The following PRKN variants were observed in gnomAD, a reference collection of about 807,000 sequenced individuals.
PRKN encodes the protein E3 ubiquitin-protein ligase parkin.
A neutral mutation model predicts 59.5 loss-of-function variants in PRKN; 56 were observed. That is an observed-to-expected ratio of 0.94 (90% CI 0.76 to 1.18). PRKN has a LOEUF of 1.18. PRKN is among the 50% of genes most tolerant of loss of function. The pLI, the probability that PRKN is intolerant of heterozygous loss-of-function variation, is 0.00. For missense variants in PRKN, 657 were observed against 596.4 expected (o/e 1.10, Z -1.06); for synonymous variants, 250 against 222.1 (o/e 1.13, Z -1.12).
At chr6:161,616,571 C>T (rs1268810648) in intron 7 of PRKN, among the ~76,000 whole-genome samples, 1 of 152,084 alleles carries the variant, frequency 6.6e-6, no homozygotes, top group Non-Finnish European at 1.5e-5. Flanking sequence ...AGCCCCCCAC[C>T]ACCCAACGGG....
At chr6:162,671,497 CA>C (rs5881490) in intron 1 of PRKN, among the ~76,000 whole-genome samples, 64,511 of 111,480 alleles carry the variant, frequency 0.58, 15,365 homozygotes, top group Admixed American at 0.67. Context: ...GACTCTGTCT[CA>C]AAAAAAAAAA....
intron 7 of PRKN, among the ~76,000 whole-genome samples, chr6:161,585,474 G>C (rs1781489153): frequency 6.6e-6 from 1 of 152,156 alleles, no homozygotes; most frequent in Non-Finnish European, 1.5e-5. Context: ...TCATACCAAA[G>C]AGAAATTAAA....
rs1784793437 is a variant in PRKN at position 161,357,234 on chromosome 6, T to C, written c.1285+2854A>G. Among the ~76,000 whole-genome samples the C allele has an allele frequency of 6.6e-6, 1 of 152,156 alleles. No individual in the cohort carries two copies. Among genetic ancestry groups the C allele is most frequent in the African/African-American group, 2.4e-5 (1 of 41,440 alleles). On this transcript the variant is annotated intron_variant, in intron 11 of 11. Coordinates refer to ENST00000366898, the MANE Select transcript of PRKN (RefSeq NM_004562.3). The surrounding 1 kb of genome is among the most constrained non-coding windows in gnomAD (Gnocchi z 5.5). ...GCCCAGCTAACTTTTCTATTTTTAG[T>C]GGAGACGGGGTTTCGCCATGTTGGC... is the stretch of plus-strand genomic sequence containing the variant.
intron 3 of PRKN, among the ~76,000 whole-genome samples, chr6:162,208,847 C>G (rs569497099): frequency 2.6e-5 from 4 of 152,222 alleles, no homozygotes; most frequent in Admixed American, 2.0e-4. Context: ...TGGGGTATGT[C>G]CATCTTGGCT....
chr6:161,885,664 CAAAAAAA>C (rs57209835), intron 6 of PRKN, among the ~76,000 whole-genome samples: 6 of 114,212 alleles, frequency 5.3e-5, no homozygotes, highest in Admixed American at 8.9e-5. Context: ...GACTCTGTCT[CAAAAAAA>C]AAAAAAAAAA....
chr6:162,456,955 A>G (rs1790904186), intron 1 of PRKN, among the ~76,000 whole-genome samples: 2 of 152,218 alleles, frequency 1.3e-5, no homozygotes, highest in South Asian at 4.1e-4. Flanking sequence ...GAAATCACCA[A>G]TAAAAAGCAC....
At position 162,637,790 on chromosome 6, in the gene PRKN, C is replaced by T. The variant is rs576374660; in HGVS notation, c.7+89872G>A. 2.4e-4 allele frequency among the ~76,000 whole-genome samples: 36 copies of T among 152,218 alleles called. 1 individual carries two copies. In the South Asian group the frequency reaches 4.4e-3, roughly 18 times the overall value. On this transcript the variant is annotated intron_variant, in intron 1 of 11. Transcript: ENST00000366898. ...TGCTTTTCACCATTTAGTTTCAGAACTTCTTTAAAAGTCACTATTTCAAAT... is the reference window on the plus strand; with the variant it reads ...TGCTTTTCACCATTTAGTTTCAGAATTTCTTTAAAAGTCACTATTTCAAAT...
chr6:162,384,790 T>C (rs996253171), intron 2 of PRKN, among the ~76,000 whole-genome samples: 3 of 151,570 alleles, frequency 2.0e-5, no homozygotes, highest in African/African-American at 7.2e-5. Flanking sequence ...ATATGGCGGG[T>C]ATTACTTTTT....
chr6:161,876,759 A>C (rs948236899), intron 6 of PRKN, among the ~76,000 whole-genome samples: 7 of 152,048 alleles, frequency 4.6e-5, no homozygotes, highest in African/African-American at 1.7e-4. Context: ...CTCCTATCAC[A>C]GTTGGATGTT....
At chr6:162,468,692 A>T (rs1791558504) in intron 1 of PRKN, among the ~76,000 whole-genome samples, 1 of 152,256 alleles carries the variant, frequency 6.6e-6, no homozygotes, top group Non-Finnish European at 1.5e-5. Flanking sequence ...TTTCTTGAGC[A>T]GCTCCGGCCA....
chr6:161,811,469 C>T (rs757533981), intron 6 of PRKN, among the ~76,000 whole-genome samples: 11 of 152,018 alleles, frequency 7.2e-5, no homozygotes, highest in South Asian at 2.1e-4. Context: ...GGTAGCTCAA[C>T]GGGAGAGGGC....
At chr6:162,655,069 C>T (rs1000136558) in intron 1 of PRKN, among the ~76,000 whole-genome samples, 5 of 151,960 alleles carry the variant, frequency 3.3e-5, no homozygotes, top group South Asian at 2.1e-4. Context: ...TTAGAAAATG[C>T]TATTCATCTT....
chr6:162,375,766 A>ACACACAC (rs1562712438), intron 2 of PRKN, among the ~76,000 whole-genome samples: 10 of 100,762 alleles, frequency 9.9e-5, no homozygotes, highest in South Asian at 3.0e-4. Context: ...CACACACACA[A>ACACACAC]ACACACACCC....
At chr6:162,084,990 C>T (rs1304719028) in intron 4 of PRKN, among the ~76,000 whole-genome samples, 1 of 151,466 alleles carries the variant, frequency 6.6e-6, no homozygotes, top group African/African-American at 2.4e-5. Flanking sequence ...GTTAAAGTGA[C>T]ATGTTATTCC....
At position 161,752,995 on chromosome 6, in the gene PRKN, G is replaced by A. The variant is rs111898057; in HGVS notation, c.871+32777C>T. 1.7e-3 allele frequency among the ~76,000 whole-genome samples: 252 copies of A among 152,308 alleles called. 1 individual carries two copies. In the South Asian group the frequency reaches 0.017, roughly 10 times the overall value. On this transcript the variant is annotated intron_variant, in intron 7 of 11. Transcript: ENST00000366898. ...GTGAGGAACAGTGTCAGAGGAACAG[G>A]TGTAAAGGGTGTGTGGGTTATGGTG...
intron 7 of PRKN, among the ~76,000 whole-genome samples, chr6:161,618,566 C>T (rs1782776849): frequency 6.6e-6 from 1 of 152,100 alleles, no homozygotes; most frequent in African/African-American, 2.4e-5. Context: ...ACAAACAATA[C>T]ATCAATATAA....
intron 3 of PRKN, among the ~76,000 whole-genome samples, chr6:162,220,101 C>CTTT (rs1777866077): frequency 6.6e-6 from 1 of 152,074 alleles, no homozygotes; most frequent in East Asian, 1.9e-4. Flanking sequence ...GGATTAAAGA[C>CTTT]AATCCATCTT....
intron 7 of PRKN, among the ~76,000 whole-genome samples, chr6:161,590,428 T>C (rs1223894621): frequency 2.6e-5 from 4 of 151,832 alleles, no homozygotes; most frequent in Non-Finnish European, 5.9e-5. Context: ...TGAAACCCCA[T>C]CTCTACTAAA....
intron 6 of PRKN, among the ~76,000 whole-genome samples, chr6:161,897,727 A>G (rs1423252614): frequency 6.6e-6 from 1 of 151,996 alleles, no homozygotes; most frequent in Non-Finnish European, 1.5e-5. Flanking sequence ...CACGCCTGTA[A>G]TCCCAGCACT....
Sources: gnomAD v4.1 joint callset for allele counts (sites outside exome capture counted in the v4.1 genomes callset) on GRCh38, gnomAD v4.1.1 for gene constraint, Gnocchi (gnomAD v3.1) non-coding constraint, MANE v1.5 for transcripts, NCBI Gene and HGNC (gene_info 2026-07-23, HGNC 2026-07-21) for gene names.